Variants in KDM4C observed in about 807,000 individuals in gnomAD.
KDM4C encodes the protein lysine demethylase 4C, also known as lysine-specific demethylase 4C.
In KDM4C, 81 loss-of-function variants were observed where a neutral mutation model predicts 129.3. The ratio of observed to expected loss-of-function variants is 0.63; its 90% confidence interval spans 0.52 to 0.75. The LOEUF (loss-of-function observed/expected upper bound fraction) is 0.75, where lower values mean the gene tolerates loss of function less well. KDM4C is among the 30% of genes least tolerant of loss of function. The pLI is 0.00. For missense variants in KDM4C, 1,457 were observed against 1,304.0 expected (o/e 1.12, Z -1.81); for synonymous variants, 573 against 456.1 (o/e 1.26, Z -3.26).
At chr9:6,828,593 A>G (rs1199738747) in intron 4 of KDM4C, among the ~76,000 whole-genome samples, 2 of 137,116 alleles carry the variant, frequency 1.5e-5, no homozygotes. Flanking sequence ...GGGTGGGGCC[A>G]GGTGCGGTGG....
intron 20 of KDM4C, among the ~76,000 whole-genome samples, chr9:7,168,958 T>G (rs1844677452): frequency 6.6e-6 from 1 of 151,580 alleles, no homozygotes; most frequent in African/African-American, 2.4e-5. Context: ...GGTGGGAGGA[T>G]TGCTTGAGCC....
At chr9:6,926,569 A>T (rs1351185095) in intron 8 of KDM4C, among the ~76,000 whole-genome samples, 1 of 152,222 alleles carries the variant, frequency 6.6e-6, no homozygotes, top group Non-Finnish European at 1.5e-5. Context: ...CGCTCTTTCT[A>T]GTCTTAACCT....
chr9:6,819,488 C>A (rs1222364601), intron 4 of KDM4C, among the ~76,000 whole-genome samples: 1 of 152,160 alleles, frequency 6.6e-6, no homozygotes, highest in Non-Finnish European at 1.5e-5. Context: ...ACCTACAAGG[C>A]AGTATTTTAT....
intron 8 of KDM4C, among the ~76,000 whole-genome samples, chr9:6,930,962 G>T (rs2131305827): frequency 6.6e-6 from 1 of 152,172 alleles, no homozygotes; most frequent in East Asian, 1.9e-4. Flanking sequence ...TGATGTATGG[G>T]ATCCTCTGAG....
chr9:6,975,811 G>A (rs990247199), intron 8 of KDM4C, among the ~76,000 whole-genome samples: 1 of 152,196 alleles, frequency 6.6e-6, no homozygotes, highest in African/African-American at 2.4e-5. Context: ...GGCGAGGTGG[G>A]TGGATCACCC....
chr9:6,916,412 G>A (rs1488438221), intron 8 of KDM4C, among the ~76,000 whole-genome samples: 3 of 151,432 alleles, frequency 2.0e-5, no homozygotes, highest in Non-Finnish European at 4.4e-5. Flanking sequence ...TGATCCTCCT[G>A]CCACAGCCTT....
At chr9:6,907,721 T>C (rs1221884486) in intron 8 of KDM4C, among the ~76,000 whole-genome samples, 1 of 152,222 alleles carries the variant, frequency 6.6e-6, no homozygotes, top group African/African-American at 2.4e-5. Flanking sequence ...TAACTCAAAA[T>C]GCTGTTGAAA....
chr9:7,058,843 C>G (rs950469565), intron 17 of KDM4C, among the ~76,000 whole-genome samples: 3 of 132,550 alleles, frequency 2.3e-5, no homozygotes, highest in African/African-American at 8.4e-5. Context: ...GCTGTACTAC[C>G]AGTTTTTTCA....
intron 17 of KDM4C, among the ~76,000 whole-genome samples, chr9:7,075,834 CAG>C (rs1235014003): frequency 4.6e-5 from 7 of 151,232 alleles, no homozygotes; most frequent in Admixed American, 2.6e-4. Flanking sequence ...TTTTTTGAGA[CAG>C]AGTTTCACTC....
intron 8 of KDM4C, among the ~76,000 whole-genome samples, chr9:6,948,507 G>A (rs1415596717): frequency 1.1e-5 from 1 of 90,454 alleles, no homozygotes; most frequent in Non-Finnish European, 2.3e-5. Context: ...TTTTTTAATT[G>A]ATCATTCTTG....
At chr9:6,987,185 G>A (rs978709210) in intron 11 of KDM4C, among the ~76,000 whole-genome samples, 2 of 152,098 alleles carry the variant, frequency 1.3e-5, no homozygotes, top group African/African-American at 4.8e-5. Context: ...TTCTATTTCA[G>A]TGTCAGGACT....
intron 12 of KDM4C, among the ~76,000 whole-genome samples, chr9:6,992,034 C>T (rs10122759): frequency 0.025 from 3,728 of 148,680 alleles, 123 homozygotes; most frequent in African/African-American, 0.078. Context: ...TTTTTTGCTA[C>T]TTTATTATAC....
chr9:6,901,052 A>G (rs895968732), intron 8 of KDM4C, among the ~76,000 whole-genome samples: 3 of 152,080 alleles, frequency 2.0e-5, no homozygotes, highest in African/African-American at 7.2e-5. Flanking sequence ...AAAAATTTTT[A>G]CTAAAGGCTC....
chr9:7,006,038 C>T (rs1167449696), intron 12 of KDM4C, among the ~76,000 whole-genome samples: 1 of 152,124 alleles, frequency 6.6e-6, no homozygotes, highest in Non-Finnish European at 1.5e-5. Context: ...AAAAGTGATA[C>T]AAATTAATGT....
chr9:7,156,055 C>A (rs1322731960), intron 19 of KDM4C, among the ~76,000 whole-genome samples: 1 of 152,214 alleles, frequency 6.6e-6, no homozygotes, highest in Non-Finnish European at 1.5e-5. Context: ...ACCATTCTAA[C>A]TGGTGTGAGA....
chr9:6,776,745 G>T (rs1268396490), intron 1 of KDM4C, among the ~76,000 whole-genome samples: 1 of 151,752 alleles, frequency 6.6e-6, no homozygotes, highest in African/African-American at 2.4e-5. Flanking sequence ...GGGATTATAG[G>T]CACATACCAC....
At chr9:7,044,980 A>G (rs1829185146) in intron 15 of KDM4C, among the ~76,000 whole-genome samples, 1 of 152,004 alleles carries the variant, frequency 6.6e-6, no homozygotes, top group Non-Finnish European at 1.5e-5. Context: ...GTATGGTGCT[A>G]AGAGGTCAGG....
chr9:6,980,776 T>G, intron 8 of KDM4C, 149 bp from the exon 9 acceptor site: 1 of 629,668 alleles, frequency 1.6e-6, no homozygotes, highest in Non-Finnish European at 2.7e-6. Context: ...GAAATTGGGT[T>G]TATCACCCAT....
intron 17 of KDM4C, chr9:7,077,387 C>T (rs546819653): frequency 4.8e-6 from 1 of 206,614 alleles, no homozygotes; most frequent in Admixed American, 6.5e-5. Context: ...GAATAGCATG[C>T]TATTTAGCAT....
Sources: allele counts gnomAD v4.1 joint callset (sites outside exome capture counted in the v4.1 genomes callset), GRCh38; gene constraint gnomAD v4.1.1; transcripts MANE v1.5; gene names NCBI Gene and HGNC (gene_info 2026-07-23, HGNC 2026-07-21).